The following ZZEF1 variants were observed in gnomAD, a reference collection of about 807,000 sequenced individuals.
The protein encoded by ZZEF1 is zinc finger ZZ-type and EF-hand domain-containing protein 1.
ZZEF1 carries 157 observed loss-of-function variants against 342.8 expected under a neutral mutation model. That is an observed-to-expected ratio of 0.46 (90% CI 0.40 to 0.52). The LOEUF is 0.52. Among genes scored for constraint, ZZEF1 ranks in the 20% least tolerant of loss-of-function variants. The probability of loss-of-function intolerance (pLI) is 0.00; values close to 1 mark genes in which losing one functional copy is unlikely to be tolerated. For missense variants in ZZEF1, 3,480 were observed against 3,725.6 expected (o/e 0.93, Z 1.72); for synonymous variants, 1,505 against 1,429.1 (o/e 1.05, Z -1.20).
intron 34 of ZZEF1, 51 bp from the exon 35 acceptor site, chr17:4,052,187 G>T: frequency 6.6e-7 from 1 of 1,518,694 alleles, no homozygotes; most frequent in Non-Finnish European, 8.8e-7. Context: ...GCTCCTAGAT[G>T]GGCTAGTTTC....
chr17:4,040,629 A>C (rs1186535549), intron 39 of ZZEF1, among the ~76,000 whole-genome samples: 1 of 152,238 alleles, frequency 6.6e-6, no homozygotes, highest in Non-Finnish European at 1.5e-5. Context: ...TGTTTCTATA[A>C]GAAATATGAC....
intron 21 of ZZEF1, 164 bp downstream of exon 21, chr17:4,076,473 T>TG (rs1788348409): frequency 4.5e-6 from 4 of 884,476 alleles, no homozygotes; most frequent in Non-Finnish European, 6.6e-6. Context: ...CACATCGACT[T>TG]GGACTGACAT....
chr17:4,075,073 C>A (rs1172203130), intron 23 of ZZEF1, 24 bp downstream of exon 23: 2 of 1,613,058 alleles, frequency 1.2e-6, no homozygotes, highest in African/African-American at 1.3e-5. Context: ...GAAGTAGGTA[C>A]CTCTTTCTGG....
chr17:4,107,410 C>G (rs538543199), intron 6 of ZZEF1, among the ~76,000 whole-genome samples: 4 of 152,204 alleles, frequency 2.6e-5, no homozygotes, highest in Admixed American at 2.0e-4. Flanking sequence ...AAGGGGGAGT[C>G]GTCATGGTGG....
chr17:4,140,910 C>CTT lies in ZZEF1; in HGVS notation c.354+1630_354+1631dup, dbSNP rs34876417. Among the ~76,000 whole-genome samples the CTT allele has an allele frequency of 4.2e-3, 589 of 141,632 alleles. 4 individuals are homozygous for CTT. Among genetic ancestry groups the CTT allele is most frequent in the African/African-American group, 0.011 (416 of 38,554 alleles). The allele number at this position is 141,632 out of a possible 152,430, so 92.9% of individuals were successfully genotyped here. ...GGAGATCTTTCACTAACTAATATGA[C>CTT]TTTTTTTTTTTTTTTTGAGACAGAG... is the stretch of plus-strand genomic sequence containing the variant. On this transcript the variant is annotated intron_variant, in intron 1 of 54. Transcript: ENST00000381638.
chr17:4,039,772 T>C (rs1279653626), intron 39 of ZZEF1, among the ~76,000 whole-genome samples: 2 of 150,464 alleles, frequency 1.3e-5, no homozygotes, highest in African/African-American at 2.4e-5. Flanking sequence ...GCCTCCCGAG[T>C]AGCTGGGACT....
intron 9 of ZZEF1, among the ~76,000 whole-genome samples, chr17:4,100,671 T>TA (rs2058112304): frequency 6.6e-6 from 1 of 151,944 alleles, no homozygotes; most frequent in African/African-American, 2.4e-5. Context: ...CCGTCTCTAC[T>TA]AAAAATACAA....
intron 2 of ZZEF1, among the ~76,000 whole-genome samples, chr17:4,120,897 G>A (rs375923449): frequency 2.0e-5 from 3 of 152,160 alleles, no homozygotes; most frequent in African/African-American, 4.8e-5. Context: ...ATTTGGAAAA[G>A]GTACTGTTCT....
intron 42 of ZZEF1, among the ~76,000 whole-genome samples, chr17:4,029,522 A>G (rs994896678): frequency 6.6e-6 from 1 of 152,160 alleles, no homozygotes; most frequent in Non-Finnish European, 1.5e-5. Flanking sequence ...GATGTGGCTA[A>G]AGTCATACTT....
intron 11 of ZZEF1, among the ~76,000 whole-genome samples, chr17:4,094,948 A>G (rs1390322215): frequency 6.6e-6 from 1 of 152,178 alleles, no homozygotes. Flanking sequence ...GTGCTTCTAC[A>G]ACATGCATTT....
At chr17:4,087,395 G>A (rs373039492) in intron 14 of ZZEF1, 39 bp downstream of exon 14, 34 of 1,520,446 alleles carry the variant, frequency 2.2e-5, no homozygotes, top group Non-Finnish European at 3.0e-5. Context: ...ATTGTTTTCA[G>A]TTTATGTGCT....
At chr17:4,122,963 T>C (rs1274083334) in intron 2 of ZZEF1, among the ~76,000 whole-genome samples, 1 of 143,854 alleles carries the variant, frequency 7.0e-6, no homozygotes, top group African/African-American at 2.6e-5. Context: ...TTTGTTGCCC[T>C]GGCTGGAGAG....
intron 6 of ZZEF1, among the ~76,000 whole-genome samples, chr17:4,108,970 T>C (rs1341123221): frequency 6.6e-6 from 1 of 152,234 alleles, no homozygotes; most frequent in Non-Finnish European, 1.5e-5. Context: ...GTACCTATTA[T>C]CAGTTACTGA....
chr17:4,021,248 C>G lies in ZZEF1; in HGVS notation c.7285G>C (p.Asp2429His). 2 of 1,614,234 alleles carry G rather than the reference C, an allele frequency of 1.2e-6. No individual in the cohort carries two copies. The highest frequency in any genetic ancestry group is 1.7e-6 in the Non-Finnish European group (2 of 1,180,032). Residue 2429 changes from aspartate to histidine, a missense_variant, in exon 45 of 55, where the codon GAT becomes CAT. Around this residue, in one of 5 missense-constraint regions of ZZEF1, gnomAD observed 1,269 missense variants for 1,342.4 expected, o/e 0.95. Coordinates refer to ENST00000381638, the MANE Select transcript of ZZEF1 (RefSeq NM_015113.4). The part of the protein sequence containing the change: ...ALAEHGDLEL[D>H]ERGDREEEVE... ...TCTTCCTCTCGGTCCCCTCGCTCAT[C>G]CAGCTCTAGGTCTCCGTGCTCAGCC...
intron 37 of ZZEF1, 98 bp downstream of exon 37, chr17:4,049,610 G>T: frequency 2.1e-6 from 3 of 1,431,406 alleles, no homozygotes; most frequent in Non-Finnish European, 2.9e-6. Context: ...TCTGGGTTAG[G>T]AGTCTGTGCT....
At chr17:4,058,641 G>T (rs926506443) in intron 31 of ZZEF1, among the ~76,000 whole-genome samples, 8 of 152,178 alleles carry the variant, frequency 5.3e-5, no homozygotes, top group Admixed American at 6.5e-5. Flanking sequence ...TTGGGAGGCC[G>T]AGGCAGGCAG....
At position 4,019,713 on chromosome 17, in the gene ZZEF1, C is replaced by T; in HGVS notation, c.7461G>A (p.Leu2487=). 2 of 1,613,032 alleles carry T rather than the reference C, an allele frequency of 1.2e-6. No homozygotes were observed. The highest frequency in any genetic ancestry group is 1.1e-5 in the South Asian group (1 of 90,858). The change falls in exon 46 of 55, where the codon CTG becomes CTA. Residue 2487 remains leucine, a synonymous_variant. Transcript: ENST00000381638. The part of the protein sequence containing the change: ...PLHILRAIYE[L]QMKKTDYFFL... ...AGAAATAATCGGTCTTTTTCATCTG[C>T]AGTTCGTATATGGCCCGGAGAATGT... is the stretch of plus-strand genomic sequence containing the variant.
chr17:4,008,363 T>A lies in ZZEF1; in HGVS notation c.8805+520A>T. 2 of 203,672 alleles carry A rather than the reference T, an allele frequency of 9.8e-6. No individual in the cohort carries two copies. The highest frequency in any genetic ancestry group is 1.7e-5 in the Non-Finnish European group (2 of 117,462). 12.6% of individuals were successfully genotyped at this position (203,672 alleles called of 1,614,324 possible). ...TCATGTTAACATGAAATGGGTTCAC[T>A]ACTTTAAAAAAATAAATTGATAAAG... is the stretch of plus-strand genomic sequence containing the variant. On this transcript the variant is annotated intron_variant, in intron 54 of 54. Coordinates refer to ENST00000381638, the MANE Select transcript of ZZEF1 (RefSeq NM_015113.4). This position sits in a 1 kb window ranked among gnomAD's most constrained non-coding sequence, Gnocchi z 4.2.
chr17:4,095,903 T>C lies in ZZEF1; in HGVS notation c.1841A>G (p.Glu614Gly). 6.2e-7 allele frequency: 1 copy of C among 1,613,878 alleles called. No homozygotes were observed. The highest frequency in any genetic ancestry group is 1.1e-5 in the South Asian group (1 of 91,066). Residue 614 changes from glutamate to glycine, a missense_variant, in exon 11 of 55, where the codon GAA (glutamate) becomes GGA (glycine). Glu to Gly is a moderately conservative substitution (Grantham distance 98). Around this residue, in one of 5 missense-constraint regions of ZZEF1, gnomAD observed 1,528 missense variants for 1,624.1 expected, o/e 0.94. Coordinates refer to ENST00000381638, the MANE Select transcript of ZZEF1 (RefSeq NM_015113.4). ...YNSSSDKFCA[E>G]EHFKRFEKYD... ...TTTTTCAAACCTTTTGAAGTGTTCT[T>C]CCGCACAAAATTTATCTGAAGATGA...
Sources: gnomAD v4.1 joint callset for allele counts (sites outside exome capture counted in the v4.1 genomes callset) on GRCh38, gnomAD v4.1.1 for gene constraint, gnomAD v4.1.1 regional missense constraint, Gnocchi (gnomAD v3.1) non-coding constraint, MANE v1.5 for transcripts, NCBI Gene and HGNC (gene_info 2026-07-23, HGNC 2026-07-21) for gene names.